The following RUNX1 variants were observed in gnomAD, a reference collection of about 807,000 sequenced individuals.
RUNX1 encodes runt-related transcription factor 1.
A neutral mutation model predicts 42.8 loss-of-function variants in RUNX1; 19 were observed. That is an observed-to-expected ratio of 0.44 (90% CI 0.31 to 0.65). The LOEUF (loss-of-function observed/expected upper bound fraction) is 0.65, where lower values mean the gene tolerates loss of function less well. RUNX1 is among the 30% of genes least tolerant of loss of function. The pLI is 0.07. For synonymous variants in RUNX1, 271 were observed against 289.4 expected (o/e 0.94, Z 0.64); for missense variants, 528 against 672.0 (o/e 0.79, Z 2.37).
intron 2 of RUNX1, among the ~76,000 whole-genome samples, chr21:34,962,857 T>C (rs921584155): frequency 1.3e-5 from 2 of 152,216 alleles, no homozygotes; most frequent in African/African-American, 4.8e-5. Flanking sequence ...ACAACCTTGG[T>C]GAGTTTGGCT....
chr21:34,834,396 C>T lies in RUNX1; in HGVS notation c.805+14G>A, dbSNP rs2057110599. 6.2e-7 allele frequency: 1 copy of T among 1,611,030 alleles called. No individual in the cohort carries two copies. Among genetic ancestry groups the T allele is most frequent in the African/African-American group, 1.3e-5 (1 of 74,754 alleles). On this transcript the variant is annotated intron_variant, in intron 7 of 8. Coordinates refer to ENST00000675419, the MANE Select transcript of RUNX1 (RefSeq NM_001754.5). ...TGCAGGAGAGGCGGGCAGTGGGCTC[C>T]ATCTGGTACTTACCCTGCATCTGAC...
chr21:34,905,305 T>TCCA (rs2058209765), intron 2 of RUNX1, among the ~76,000 whole-genome samples: 1 of 152,244 alleles, frequency 6.6e-6, no homozygotes, highest in Non-Finnish European at 1.5e-5. Context: ...CTCAGGCATA[T>TCCA]CCAGGCTAGC....
chr21:34,944,398 T>C (rs2058549525), intron 2 of RUNX1, among the ~76,000 whole-genome samples: 1 of 152,334 alleles, frequency 6.6e-6, no homozygotes, highest in Non-Finnish European at 1.5e-5. Flanking sequence ...GGTAAAGTTG[T>C]ATAGATTCAG....
intron 5 of RUNX1, among the ~76,000 whole-genome samples, chr21:34,865,261 A>G (rs1601483978): frequency 6.7e-6 from 1 of 148,438 alleles, no homozygotes; most frequent in East Asian, 2.0e-4. Flanking sequence ...GACGTCTGAC[A>G]TGAGGAGGGG....
At chr21:34,804,356 T>G (rs754164673) in intron 7 of RUNX1, among the ~76,000 whole-genome samples, 3 of 152,140 alleles carry the variant, frequency 2.0e-5, no homozygotes, top group Non-Finnish European at 2.9e-5. Flanking sequence ...ACATACTGAC[T>G]AAGGAGGAGT....
At chr21:35,011,107 G>A (rs2059123473) in intron 2 of RUNX1, among the ~76,000 whole-genome samples, 1 of 152,106 alleles carries the variant, frequency 6.6e-6, no homozygotes, top group Admixed American at 6.5e-5. Flanking sequence ...AAATAATTCC[G>A]GTTTTTGCCA....
intron 2 of RUNX1, among the ~76,000 whole-genome samples, chr21:34,922,243 G>A (rs538529585): frequency 4.6e-5 from 7 of 152,274 alleles, no homozygotes; most frequent in Admixed American, 3.3e-4. Context: ...GACAGCAGTT[G>A]TGCTTTGCCC....
intron 7 of RUNX1, among the ~76,000 whole-genome samples, chr21:34,813,364 C>T (rs2056782556): frequency 6.6e-6 from 1 of 152,138 alleles, no homozygotes; most frequent in Non-Finnish European, 1.5e-5. Flanking sequence ...GAAGATGTGA[C>T]TTCTAGAGGT....
chr21:34,961,017 T>C (rs2058678300), intron 2 of RUNX1, among the ~76,000 whole-genome samples: 1 of 152,214 alleles, frequency 6.6e-6, no homozygotes, highest in Admixed American at 6.5e-5. Flanking sequence ...GTAGGTAGTC[T>C]GGGAGCTATA....
At chr21:34,849,444 C>CTATATATTATAATATATATTATATATTA (rs1569052915) in intron 6 of RUNX1, among the ~76,000 whole-genome samples, 3 of 37,728 alleles carry the variant, frequency 8.0e-5, no homozygotes, top group African/African-American at 2.8e-4. Flanking sequence ...TATATATATA[C>CTATATATTATAATATATATTATATATTA]TATATATTAT....
chr21:34,832,562 C>A (rs1384112126), intron 7 of RUNX1, among the ~76,000 whole-genome samples: 2 of 152,160 alleles, frequency 1.3e-5, no homozygotes, highest in African/African-American at 4.8e-5. Context: ...TGATTTTACA[C>A]ATGAATAGAT....
At chr21:35,038,265 C>A (rs547218729) in intron 2 of RUNX1, among the ~76,000 whole-genome samples, 2 of 152,264 alleles carry the variant, frequency 1.3e-5, no homozygotes, top group South Asian at 4.2e-4. Context: ...GCTTCCTGCT[C>A]CCCGATCCCA....
chr21:34,978,935 G>GACACACACAC (rs2058824233), intron 2 of RUNX1, among the ~76,000 whole-genome samples: 3 of 39,192 alleles, frequency 7.7e-5, no homozygotes, highest in African/African-American at 2.0e-4. Context: ...CACACACACA[G>GACACACACAC]ATACACACAC....
intron 2 of RUNX1, among the ~76,000 whole-genome samples, chr21:34,923,076 A>G (rs1183884972): frequency 6.6e-6 from 1 of 152,188 alleles, no homozygotes; most frequent in African/African-American, 2.4e-5. Flanking sequence ...CCAATGTCCT[A>G]TTTATGTATT....
At chr21:34,924,438 C>T (rs1269941806) in intron 2 of RUNX1, among the ~76,000 whole-genome samples, 2 of 152,124 alleles carry the variant, frequency 1.3e-5, no homozygotes, top group African/African-American at 4.8e-5. Flanking sequence ...CTAGTGATAT[C>T]AGGGTAGAGT....
chr21:34,888,107 C>CG (rs2058024603), intron 3 of RUNX1: 1 of 1,066,302 alleles, frequency 9.4e-7, no homozygotes, highest in African/African-American at 1.6e-5. Context: ...ACGCACTCTT[C>CG]GGAAGGCAGC....
At chr21:34,849,961 G>A (rs11088295) in intron 6 of RUNX1, among the ~76,000 whole-genome samples, 47,342 of 151,138 alleles carry the variant, frequency 0.31, 7,856 homozygotes, top group East Asian at 0.5. Flanking sequence ...TAGTAGTGGA[G>A]TTCCATGAGA....
Position 34,888,845 on chromosome 21 carries a change from T to G in RUNX1, c.98-1749A>C, listed in dbSNP as rs558865657. ...GCTCGCCGCCGCCGGCTCCTGGAAT[T>G]GGCCCGCGCGCCCCCGCCGCCGCGC... On this transcript the variant is annotated intron_variant, in intron 3 of 8. Transcript: ENST00000675419. Among the ~76,000 whole-genome samples, 155 of 151,768 alleles carry G rather than the reference T, an allele frequency of 1.0e-3. No individual in the cohort carries two copies. In the South Asian group the frequency reaches 0.031, roughly 30 times the overall value.
At chr21:34,819,790 C>T (rs778463787) in intron 7 of RUNX1, among the ~76,000 whole-genome samples, 1 of 152,204 alleles carries the variant, frequency 6.6e-6, no homozygotes, top group Non-Finnish European at 1.5e-5. Flanking sequence ...CTCGGCCTGC[C>T]AAAGCCTCGT....
Sources: gnomAD v4.1 joint callset for allele counts (sites outside exome capture counted in the v4.1 genomes callset) on GRCh38, gnomAD v4.1.1 for gene constraint, MANE v1.5 for transcripts, NCBI Gene and HGNC (gene_info 2026-07-23, HGNC 2026-07-21) for gene names.